RHOBTB3: variants seen among roughly 807,000 people sequenced by gnomAD.
RHOBTB3 encodes the protein rho-related BTB domain-containing protein 3.
RHOBTB3 carries 47 observed loss-of-function variants against 67.2 expected under a neutral mutation model. That is an observed-to-expected ratio of 0.70 (90% confidence interval 0.55 to 0.89). The LOEUF is 0.89. Ranked by LOEUF, RHOBTB3 falls within the 40% of genes least tolerant of loss-of-function variation. The pLI is 0.00. For missense variants in RHOBTB3, 631 were observed against 750.0 expected, an observed-to-expected ratio of 0.84 and a Z score of 1.85; for synonymous variants, 273 against 274.2, an observed-to-expected ratio of 1.00 and a Z score of 0.04.
chr5:95,739,970 C>G (rs2431342), intron 3 of RHOBTB3, among the ~76,000 whole-genome samples: 1 of 151,968 alleles, frequency 6.6e-6, no homozygotes, highest in East Asian at 1.9e-4. Context: ...ACACAAATCT[C>G]ACGTTGAATT....
In RHOBTB3 at chr5:95,794,257, T is replaced by A; in HGVS notation, c.*1083T>A. 1 of 257,256 alleles carries A rather than the reference T, an allele frequency of 3.9e-6. No homozygotes were observed. The highest frequency in any genetic ancestry group is 4.1e-5 in the South Asian group (1 of 24,580). The allele number at this position is 257,256 out of a possible 1,614,324, so 15.9% of individuals were successfully genotyped here. On this transcript the variant is annotated 3_prime_UTR_variant, in exon 12 of 12. Transcript: ENST00000379982. ...AGACCAGGAGGTTGGTAAGAGTGACTAACCAGCCTAACTTTAATACACATG... is the reference window on the plus strand; with the variant it reads ...AGACCAGGAGGTTGGTAAGAGTGACAAACCAGCCTAACTTTAATACACATG...
At chr5:95,786,552 A>G (rs1301308054) in intron 10 of RHOBTB3, among the ~76,000 whole-genome samples, 1 of 151,974 alleles carries the variant, frequency 6.6e-6, no homozygotes, top group Non-Finnish European at 1.5e-5. Flanking sequence ...TCCTGTTTAA[A>G]CCCTATCTGT....
intron 8 of RHOBTB3, chr5:95,769,942 C>A: frequency 2.4e-6 from 1 of 416,100 alleles, no homozygotes; most frequent in South Asian, 1.9e-5. Context: ...GTAAAAGCTC[C>A]AGGTTTGTTG....
intron 7 of RHOBTB3, among the ~76,000 whole-genome samples, chr5:95,763,829 T>TGTGTGTGA (rs1324728108): frequency 3.3e-5 from 5 of 151,730 alleles, no homozygotes; most frequent in Non-Finnish European, 5.9e-5. Flanking sequence ...TGTGTGTGTG[T>TGTGTGTGA]GAGACAGAGA....
At chr5:95,772,813 G>T (rs1745754632) in intron 8 of RHOBTB3, among the ~76,000 whole-genome samples, 1 of 152,174 alleles carries the variant, frequency 6.6e-6, no homozygotes, top group African/African-American at 2.4e-5. Flanking sequence ...AAGCATAAAT[G>T]TGCTTGAAGA....
At chr5:95,731,139 G>T (rs550000580), upstream of RHOBTB3, 1 of 1,017,290 alleles carries the variant, frequency 9.8e-7, no homozygotes, top group African/African-American at 1.7e-5. Context: ...TATATTCCGC[G>T]GCGCCCCGCG....
rs1746475741 is a variant in RHOBTB3, at chr5:95,793,306, ATTAG to A, written c.*135_*138del. On this transcript the variant is annotated 3_prime_UTR_variant, in exon 12 of 12. Transcript: ENST00000379982. ...AATTACCATATAGCTTAATATGTTT[ATTAG>A]TTCTCTTTGGAAAAAAACTACCACT... The A allele has an allele frequency of 3.6e-6, 2 of 552,442 alleles. No individual in the cohort carries two copies. The highest frequency in any genetic ancestry group is 6.3e-6 in the Non-Finnish European group (2 of 316,210). 34.2% of individuals were successfully genotyped at this position (552,442 alleles called of 1,614,324 possible).
intron 11 of RHOBTB3, among the ~76,000 whole-genome samples, chr5:95,790,570 A>G (rs969217914): frequency 3.9e-5 from 6 of 152,222 alleles, no homozygotes; most frequent in African/African-American, 1.4e-4. Flanking sequence ...GGCATGGTGC[A>G]AAGCAGGACT....
At chr5:95,763,445 A>G (rs956831296) in intron 6 of RHOBTB3, 63 bp from the exon 7 acceptor site, 16 of 919,652 alleles carry the variant, frequency 1.7e-5, no homozygotes, top group African/African-American at 5.0e-5. Flanking sequence ...ATTTAATAAG[A>G]GATTTACTTT....
At chr5:95,776,930 G>T (rs1042124755) in intron 8 of RHOBTB3, among the ~76,000 whole-genome samples, 3 of 152,142 alleles carry the variant, frequency 2.0e-5, no homozygotes, top group Non-Finnish European at 4.4e-5. Flanking sequence ...ACCCACGTTC[G>T]CAGTCAATCT....
chr5:95,749,393 G>T (rs1580404762), intron 4 of RHOBTB3, among the ~76,000 whole-genome samples: 7 of 152,088 alleles, frequency 4.6e-5, no homozygotes, highest in Admixed American at 4.6e-4. Flanking sequence ...TTGTGTAAAT[G>T]GGTAAAATAA....
intron 6 of RHOBTB3, among the ~76,000 whole-genome samples, chr5:95,760,451 A>G (rs1423311925): frequency 6.6e-6 from 1 of 152,236 alleles, no homozygotes; most frequent in Non-Finnish European, 1.5e-5. Flanking sequence ...TTCCTGCCAC[A>G]GATGGCCCTT....
Position 95,731,842 on chromosome 5 carries a change from C to T in RHOBTB3, c.3-17C>T. On this transcript the variant is annotated splice_polypyrimidine_tract_variant and intron_variant, in intron 1 of 11. Coordinates refer to ENST00000379982, the MANE Select transcript of RHOBTB3 (RefSeq NM_014899.4). ...GACCGTGCTTCCCTTCTCCCCTCGC[C>T]CCCTCTGTCCGTGCAGGTCCATCCA... The T allele has an allele frequency of 6.2e-7, 1 of 1,607,314 alleles. No individual in the cohort carries two copies. Among genetic ancestry groups the T allele is most frequent in the East Asian group, 2.2e-5 (1 of 44,736 alleles).
chr5:95,731,095 G>A, upstream of RHOBTB3: 1 of 1,110,586 alleles, frequency 9.0e-7, no homozygotes, highest in Non-Finnish European at 1.1e-6. Flanking sequence ...TGGCGGCTGG[G>A]AGCTCTCGGG....
intron 10 of RHOBTB3, among the ~76,000 whole-genome samples, chr5:95,788,506 C>T (rs772862749): frequency 1.3e-5 from 2 of 152,184 alleles, no homozygotes; most frequent in South Asian, 2.1e-4. Context: ...TGCTTAAAGA[C>T]GTTTGGCCAC....
intron 4 of RHOBTB3, among the ~76,000 whole-genome samples, chr5:95,750,044 A>G (rs1052582423): frequency 6.6e-6 from 1 of 152,240 alleles, no homozygotes; most frequent in African/African-American, 2.4e-5. Context: ...TGTTGAGAAT[A>G]TGGAAACAAG....
chr5:95,757,391 A>G (rs1745278321), intron 6 of RHOBTB3, among the ~76,000 whole-genome samples: 1 of 152,192 alleles, frequency 6.6e-6, no homozygotes, highest in East Asian at 1.9e-4. Context: ...ATAACCTGTT[A>G]GGCTAAGGTC....
At chr5:95,784,935 T>C (rs1318020693) in intron 10 of RHOBTB3, among the ~76,000 whole-genome samples, 2 of 152,238 alleles carry the variant, frequency 1.3e-5, no homozygotes, top group African/African-American at 4.8e-5. Flanking sequence ...TAGGTTTTTT[T>C]CACAGGAATA....
At chr5:95,764,304 A>T (rs1285149748) in intron 7 of RHOBTB3, among the ~76,000 whole-genome samples, 1 of 152,212 alleles carries the variant, frequency 6.6e-6, no homozygotes, top group Non-Finnish European at 1.5e-5. Flanking sequence ...CTCACTCCTC[A>T]CAATTTAAGT....
Sources: gnomAD v4.1 joint callset for allele counts (sites outside exome capture counted in the v4.1 genomes callset) on GRCh38, gnomAD v4.1.1 for gene constraint, MANE v1.5 for transcripts, NCBI Gene and HGNC (gene_info 2026-07-23, HGNC 2026-07-21) for gene names.